Variants in HDAC2 observed in about 807,000 individuals in gnomAD.
The protein encoded by HDAC2 is histone deacetylase 2, also known as YY1-associated factor 1.
In HDAC2, 5 loss-of-function variants were observed where a neutral mutation model predicts 68.5. The observed-to-expected ratio is 0.07, with a 90% CI of 0.04 to 0.15. The LOEUF (loss-of-function observed/expected upper bound fraction) is 0.15. HDAC2 is among the 10% of genes least tolerant of loss of function. The pLI is 1.00. For missense variants in HDAC2, 291 were observed against 600.8 expected, an observed-to-expected ratio of 0.48 and a Z score of 5.39; for synonymous variants, 182 against 191.3, an observed-to-expected ratio of 0.95 and a Z score of 0.40.
rs542132966 is a variant in HDAC2 at position 113,948,921 on chromosome 6, T to C, written c.841+58A>G. 5 of 1,581,630 alleles carry C rather than the reference T, an allele frequency of 3.2e-6. No homozygotes were observed. In the South Asian group the frequency reaches 4.7e-5, roughly 15 times the overall value. On this transcript the variant is annotated intron_variant, in intron 8 of 13. Coordinates refer to ENST00000519065, the MANE Select transcript of HDAC2 (RefSeq NM_001527.4). ...CTACAATGAGAACTTTTACGGGGAG[T>C]TCTTGGGTGGAAGAAAAACCATTTT...
At position 113,959,825 on chromosome 6, in the gene HDAC2, G is replaced by A; in HGVS notation, c.165+81C>T. On this transcript the variant is annotated intron_variant, in intron 2 of 13. Transcript: ENST00000519065. ...TCATCTGCTAAATGCCCTCAAAAGGGGAATAATAGACAAAGTTTCACAGTA... is the reference window on the plus strand; with the variant it reads ...TCATCTGCTAAATGCCCTCAAAAGGAGAATAATAGACAAAGTTTCACAGTA... The A allele has an allele frequency of 5.8e-6, 4 of 685,300 alleles. No homozygotes were observed. The South Asian group carries it at 7.4e-5, about 13-fold the overall frequency. The allele number at this position is 685,300 out of a possible 1,614,324, so 42.5% of individuals were successfully genotyped here.
Position 113,970,950 on chromosome 6 carries a change from T to A in HDAC2, c.-42A>T, listed in dbSNP as rs1405858515. ...GCCGCCACCGGGCTCCTCCTCCTGC[T>A]GCTGCTGCTGCTGCTGCTGCCGCCG... On this transcript the variant is annotated 5_prime_UTR_variant, in exon 1 of 14. Transcript: ENST00000519065. The A allele has an allele frequency of 6.5e-7, 1 of 1,532,358 alleles. No individual in the cohort carries two copies. Among genetic ancestry groups the A allele is most frequent in the Non-Finnish European group, 8.9e-7 (1 of 1,128,154 alleles). The allele number at this position is 1,532,358 out of a possible 1,614,324, so 94.9% of individuals were successfully genotyped here.
chr6:113,959,252 C>T (rs1273075520), intron 2 of HDAC2, among the ~76,000 whole-genome samples: 1 of 152,098 alleles, frequency 6.6e-6, no homozygotes, highest in African/African-American at 2.4e-5. Context: ...CAGACTGAGT[C>T]TTATTCTAAC....
intron 1 of HDAC2, among the ~76,000 whole-genome samples, chr6:113,961,220 T>C (rs1776674889): frequency 6.6e-6 from 1 of 152,146 alleles, no homozygotes; most frequent in Non-Finnish European, 1.5e-5. Context: ...ATCCACTAAA[T>C]CTTTCAAAGT....
In HDAC2 at chr6:113,934,720, T is replaced by C. The variant is rs915345570; in HGVS notation, c.*6338A>G. 6.6e-6 allele frequency: 1 copy of C among 152,110 alleles called. No homozygotes were observed. Among genetic ancestry groups the C allele is most frequent in the Admixed American group, 6.5e-5 (1 of 15,270 alleles). 9.4% of individuals were successfully genotyped at this position (152,110 alleles called of 1,614,324 possible). A position where few individuals can be genotyped will look rare whatever the true frequency, so the allele number is the denominator to read the frequency against. On this transcript the variant is annotated 3_prime_UTR_variant, in exon 14 of 14. Transcript: ENST00000519065. Reference sequence around the variant, plus strand: ...ATGCTGCCATTTACTTTAAGACATATAAATTTGGATTTCAAACAAAACAGC... The same window carrying C: ...ATGCTGCCATTTACTTTAAGACATACAAATTTGGATTTCAAACAAAACAGC...
intron 1 of HDAC2, chr6:113,962,418 A>T: frequency 1.3e-6 from 1 of 752,720 alleles, no homozygotes; most frequent in Non-Finnish European, 1.6e-6. Context: ...ATAATATGAA[A>T]TATAAATATT....
In HDAC2 at chr6:113,937,774, C is replaced by G. The variant is rs1582471822; in HGVS notation, c.*3284G>C. ...GGCTGAGGTGGGAGAATACCCTAAGCCTAGAAGTTCTAAGATGTAGTGAGA... is the reference window on the plus strand; with the variant it reads ...GGCTGAGGTGGGAGAATACCCTAAGGCTAGAAGTTCTAAGATGTAGTGAGA... On this transcript the variant is annotated 3_prime_UTR_variant, in exon 14 of 14. Transcript: ENST00000519065. 6.6e-6 allele frequency: 1 copy of G among 152,122 alleles called. No homozygotes were observed. The highest frequency in any genetic ancestry group is 2.1e-4 in the South Asian group (1 of 4,820). The allele number at this position is 152,122 out of a possible 1,614,324, so 9.4% of individuals were successfully genotyped here. A position where few individuals can be genotyped will look rare whatever the true frequency, so the allele number is the denominator to read the frequency against.
rs1186084475 is a variant in HDAC2 at position 113,934,962 on chromosome 6, C to G, written c.*6096G>C. On this transcript the variant is annotated 3_prime_UTR_variant, in exon 14 of 14. Transcript: ENST00000519065. The stretch of plus-strand genomic sequence containing the variant: ...AATTTTTCGCACCTACTTGCCCAAA[C>G]TTTCTTATCAGATGCTGAGTTGAAA... 1 of 152,150 alleles carries G rather than the reference C, an allele frequency of 6.6e-6. No individual in the cohort carries two copies. The highest frequency in any genetic ancestry group is 6.5e-5 in the Admixed American group (1 of 15,270). The allele number at this position is 152,150 out of a possible 1,614,324, so 9.4% of individuals were successfully genotyped here.
intron 8 of HDAC2, chr6:113,948,421 T>A (rs1776314721): frequency 6.6e-6 from 1 of 152,422 alleles, no homozygotes; most frequent in South Asian, 2.1e-4. Context: ...TCTGAACACA[T>A]GAAGATACTG....
chr6:113,947,169 T>C (rs866784478), intron 8 of HDAC2: 15 of 152,126 alleles, frequency 9.9e-5, no homozygotes, highest in African/African-American at 3.6e-4. Flanking sequence ...AAAACAAACA[T>C]ACTAAAAGTT....
rs1775963875 is a variant in HDAC2, at chr6:113,934,652, T to G, written c.*6406A>C. On this transcript the variant is annotated 3_prime_UTR_variant, in exon 14 of 14. Coordinates refer to ENST00000519065, the MANE Select transcript of HDAC2 (RefSeq NM_001527.4). Reference sequence around the variant, plus strand: ...ATTTACAGAATTTTCTGCCTAACTCTAGAAATAGGATGGCAGAAGAGTCAT... The same window carrying G: ...ATTTACAGAATTTTCTGCCTAACTCGAGAAATAGGATGGCAGAAGAGTCAT... The G allele has an allele frequency of 6.6e-6, 1 of 152,168 alleles. No individual in the cohort carries two copies. The highest frequency in any genetic ancestry group is 1.5e-5 in the Non-Finnish European group (1 of 68,028). 9.4% of individuals were successfully genotyped at this position (152,168 alleles called of 1,614,324 possible).
chr6:113,970,818 G>GCCCCGCGCGCCCAC, intron 1 of HDAC2, 39 bp downstream of exon 1: 1 of 1,516,136 alleles, frequency 6.6e-7, no homozygotes, highest in Non-Finnish European at 8.8e-7. Flanking sequence ...CCAGCGCCCG[G>GCCCCGCGCGCCCAC]CCCCGCGCGC....
intron 6 of HDAC2, among the ~76,000 whole-genome samples, chr6:113,950,103 T>C (rs2114599274): frequency 6.6e-6 from 1 of 152,274 alleles, no homozygotes; most frequent in East Asian, 1.9e-4. Flanking sequence ...TTAATTGGAC[T>C]TGGACTTCAA....
intron 1 of HDAC2, among the ~76,000 whole-genome samples, chr6:113,966,379 C>T (rs918797902): frequency 6.6e-6 from 1 of 151,904 alleles, no homozygotes; most frequent in African/African-American, 2.4e-5. Context: ...GTAAAACCCC[C>T]ATCTCTACTA....
At chr6:113,970,352 G>T (rs763324984) in intron 1 of HDAC2, 10 of 577,186 alleles carry the variant, frequency 1.7e-5, no homozygotes, top group Non-Finnish European at 2.2e-5. Flanking sequence ...CGAGGAGGAG[G>T]GAAGGGGACG....
In HDAC2 at chr6:113,938,533, C is replaced by T. The variant is rs958287542; in HGVS notation, c.*2525G>A. ...TAGGTTTTTGGTAGTTTTATCTTTT[C>T]CTATTTAAATCTTCTAGTGGAGGGC... On this transcript the variant is annotated 3_prime_UTR_variant, in exon 14 of 14. Transcript: ENST00000519065. The T allele has an allele frequency of 3.9e-5, 6 of 152,058 alleles. No homozygotes were observed. Among genetic ancestry groups the T allele is most frequent in the African/African-American group, 1.4e-4 (6 of 41,400 alleles). 9.4% of individuals were successfully genotyped at this position (152,058 alleles called of 1,614,324 possible).
At chr6:113,950,869 A>C (rs546429007) in intron 6 of HDAC2, among the ~76,000 whole-genome samples, 2 of 152,320 alleles carry the variant, frequency 1.3e-5, no homozygotes, top group African/African-American at 4.8e-5. Context: ...TAGAGTTATG[A>C]GACCCAACAT....
intron 6 of HDAC2, among the ~76,000 whole-genome samples, chr6:113,952,091 T>C (rs1776433010): frequency 6.6e-6 from 1 of 152,192 alleles, no homozygotes; most frequent in Admixed American, 6.5e-5. Context: ...GTTCTCAAAC[T>C]TTAAGGTGAA....
chr6:113,959,736 C>G, intron 2 of HDAC2, 170 bp downstream of exon 2: 1 of 503,158 alleles, frequency 2.0e-6, no homozygotes, highest in Non-Finnish European at 3.5e-6. Flanking sequence ...GAGGGTATAG[C>G]TCTCATTCTT....
Sources: gnomAD v4.1 joint callset for allele counts (sites outside exome capture counted in the v4.1 genomes callset) on GRCh38, gnomAD v4.1.1 for gene constraint, MANE v1.5 for transcripts, NCBI Gene and HGNC (gene_info 2026-07-23, HGNC 2026-07-21) for gene names.